Variants in PTPRD observed in about 807,000 individuals in gnomAD.
The protein encoded by PTPRD is receptor-type tyrosine-protein phosphatase delta.
PTPRD carries 34 observed loss-of-function variants against 214.5 expected under a neutral mutation model. The ratio of observed to expected loss-of-function variants is 0.16; its 90% CI spans 0.12 to 0.21. The LOEUF is 0.21. Among genes scored for constraint, PTPRD ranks in the 10% least tolerant of loss-of-function variants. PTPRD has a pLI of 1.00. For synonymous variants in PTPRD, 1,128 were observed against 845.7 expected, an observed-to-expected ratio of 1.33 and a Z score of -5.79; for missense variants, 2,545 against 2,398.7, an observed-to-expected ratio of 1.06 and a Z score of -1.27.
chr9:9,070,375 TTAATA>T (rs2099742044), intron 10 of PTPRD, among the ~76,000 whole-genome samples: 1 of 152,168 alleles, frequency 6.6e-6, no homozygotes, highest in Admixed American at 6.5e-5. Context: ...TTATAATAAA[TTAATA>T]TATGTTCCCA....
chr9:9,850,500 AAAAC>A (rs1368069245), intron 5 of PTPRD, among the ~76,000 whole-genome samples: 3 of 152,196 alleles, frequency 2.0e-5, no homozygotes, highest in African/African-American at 4.8e-5. Context: ...ATTCATAACT[AAAAC>A]AAAAATTAAA....
chr9:10,246,284 C>T (rs147613120), intron 3 of PTPRD, among the ~76,000 whole-genome samples: 41 of 152,266 alleles, frequency 2.7e-4, no homozygotes, highest in Non-Finnish European at 4.6e-4. Context: ...GCTCTTGTTG[C>T]CCCGGCTGGA....
chr9:9,937,530 C>A (rs1349281682), intron 5 of PTPRD, among the ~76,000 whole-genome samples: 1 of 151,590 alleles, frequency 6.6e-6, no homozygotes, highest in African/African-American at 2.4e-5. Context: ...AAACATAATT[C>A]TGTTTAAATA....
At chr9:8,469,913 G>C (rs991543742) in intron 31 of PTPRD, among the ~76,000 whole-genome samples, 7 of 152,098 alleles carry the variant, frequency 4.6e-5, no homozygotes, top group Admixed American at 4.6e-4. Flanking sequence ...TTTCTGGTCA[G>C]ATCACAGTCT....
chr9:9,349,255 T>C (rs2050156276), intron 9 of PTPRD, among the ~76,000 whole-genome samples: 1 of 152,098 alleles, frequency 6.6e-6, no homozygotes. Context: ...CAAGAAACTT[T>C]TTAGCATAGA....
rs904819277 is a variant in PTPRD at position 9,799,063 on chromosome 9, G to A, written c.-367-32212C>T. Among the ~76,000 whole-genome samples the A allele has an allele frequency of 9.9e-5, 15 of 151,956 alleles. 1 individual carries two copies. Among genetic ancestry groups the A allele is most frequent in the African/African-American group, 3.4e-4 (14 of 41,376 alleles). On this transcript the variant is annotated intron_variant, in intron 5 of 45. Coordinates refer to ENST00000381196, the MANE Select transcript of PTPRD (RefSeq NM_002839.4). ...TGTTATTATTACGGGAATGACTGCA[G>A]AATCAAAACTTATATATCTTATCTA... is the stretch of plus-strand genomic sequence containing the variant.
intron 3 of PTPRD, among the ~76,000 whole-genome samples, chr9:10,317,731 C>A (rs616399): frequency 0.3 from 46,027 of 151,728 alleles, 9,126 homozygotes; most frequent in African/African-American, 0.56. Context: ...AAAGCAAACA[C>A]AAATAAAAAA....
chr9:10,507,902 G>A (rs1418575092), intron 2 of PTPRD, among the ~76,000 whole-genome samples: 1 of 152,186 alleles, frequency 6.6e-6, no homozygotes, highest in Non-Finnish European at 1.5e-5. Flanking sequence ...AGGACTTCAT[G>A]TCTAAAACAC....
intron 38 of PTPRD, 121 bp from the exon 39 acceptor site, chr9:8,376,211 C>T: frequency 1.7e-6 from 2 of 1,152,230 alleles, no homozygotes; most frequent in Admixed American, 2.7e-5. Flanking sequence ...ACCCTGTAGC[C>T]TTTGGGAAGA....
chr9:9,151,591 G>A (rs146181902), intron 10 of PTPRD, among the ~76,000 whole-genome samples: 4 of 152,254 alleles, frequency 2.6e-5, no homozygotes, highest in East Asian at 1.9e-4. Flanking sequence ...GAAACTTTAC[G>A]AAAAATATTC....
intron 2 of PTPRD, among the ~76,000 whole-genome samples, chr9:10,538,515 C>T (rs1309825400): frequency 6.6e-6 from 1 of 151,998 alleles, no homozygotes; most frequent in East Asian, 1.9e-4. Context: ...CTTGAAAATA[C>T]AATCTTTATA....
intron 5 of PTPRD, among the ~76,000 whole-genome samples, chr9:9,842,741 T>C (rs1369769337): frequency 3.3e-5 from 5 of 151,984 alleles, no homozygotes; most frequent in African/African-American, 4.8e-5. Context: ...TTCATCAGTG[T>C]TGTGCTTCAT....
chr9:9,220,119 A>C (rs1339450583), intron 9 of PTPRD, among the ~76,000 whole-genome samples: 1 of 152,096 alleles, frequency 6.6e-6, no homozygotes, highest in African/African-American at 2.4e-5. Flanking sequence ...TCCTTTAGGT[A>C]ACTCAAATTA....
intron 8 of PTPRD, among the ~76,000 whole-genome samples, chr9:9,474,045 C>G (rs1569568645): frequency 6.6e-6 from 1 of 151,898 alleles, no homozygotes; most frequent in African/African-American, 2.4e-5. Context: ...AGATGAACGT[C>G]CTGAAGTGTT....
intron 3 of PTPRD, among the ~76,000 whole-genome samples, chr9:10,184,922 G>A (rs1163857470): frequency 6.6e-6 from 1 of 152,112 alleles, no homozygotes; most frequent in African/African-American, 2.4e-5. Flanking sequence ...AAGACTTAAA[G>A]CACATGTAAT....
chr9:8,463,687 A>G (rs914935055), intron 32 of PTPRD, among the ~76,000 whole-genome samples: 6 of 152,020 alleles, frequency 3.9e-5, no homozygotes, highest in African/African-American at 1.4e-4. Context: ...GTGCGTGGCA[A>G]TAAGAGATTA....
intron 2 of PTPRD, among the ~76,000 whole-genome samples, chr9:10,533,345 C>G (rs2056927314): frequency 6.6e-6 from 1 of 152,232 alleles, no homozygotes; most frequent in South Asian, 2.1e-4. Context: ...CATCATACAT[C>G]ACTTATGTAT....
At chr9:8,929,909 ATG>A (rs1174015302) in intron 11 of PTPRD, among the ~76,000 whole-genome samples, 5 of 61,122 alleles carry the variant, frequency 8.2e-5, no homozygotes, top group African/African-American at 1.7e-4. Flanking sequence ...GTGTATATAT[ATG>A]TGTGTGTATA....
chr9:9,651,081 C>G (rs1564317066), intron 7 of PTPRD, among the ~76,000 whole-genome samples: 1 of 151,724 alleles, frequency 6.6e-6, no homozygotes, highest in Non-Finnish European at 1.5e-5. Flanking sequence ...AATAATATAC[C>G]CATGGTTACT....
Sources: allele counts gnomAD v4.1 joint callset (sites outside exome capture counted in the v4.1 genomes callset), GRCh38; gene constraint gnomAD v4.1.1; transcripts MANE v1.5; gene names NCBI Gene and HGNC (gene_info 2026-07-23, HGNC 2026-07-21).